The following VPS13D variants were observed in gnomAD, a reference collection of about 807,000 sequenced individuals.
VPS13D encodes the protein intermembrane lipid transfer protein VPS13D.
A neutral mutation model predicts 461.9 loss-of-function variants in VPS13D; 187 were observed. The observed-to-expected ratio is 0.40, with a 90% CI of 0.36 to 0.46. The LOEUF (loss-of-function observed/expected upper bound fraction) is 0.46. Among genes scored for constraint, VPS13D ranks in the 20% least tolerant of loss-of-function variants. VPS13D has a pLI of 0.60. For missense variants in VPS13D, 4,711 were observed against 5,364.9 expected (o/e 0.88, Z 3.81); for synonymous variants, 1,951 against 1,986.3 (o/e 0.98, Z 0.47).
intron 27 of VPS13D, among the ~76,000 whole-genome samples, chr1:12,309,964 A>C (rs544037658): frequency 2.8e-4 from 43 of 152,210 alleles, no homozygotes; most frequent in Middle Eastern, 6.8e-3. Flanking sequence ...CGTGTTATTC[A>C]AGTGCTCCCT....
intron 31 of VPS13D, among the ~76,000 whole-genome samples, chr1:12,318,779 A>G (rs1043235964): frequency 1.8e-4 from 28 of 152,302 alleles, no homozygotes; most frequent in African/African-American, 6.5e-4. Flanking sequence ...CTTTGTATAG[A>G]TGAATTTACT....
intron 36 of VPS13D, among the ~76,000 whole-genome samples, chr1:12,328,117 G>C (rs1415228088): frequency 6.6e-6 from 1 of 152,092 alleles, no homozygotes. Flanking sequence ...AATAATTCCT[G>C]ATCTCTTCAT....
intron 13 of VPS13D, among the ~76,000 whole-genome samples, chr1:12,265,846 T>C (rs914803680): frequency 1.3e-5 from 2 of 152,172 alleles, no homozygotes; most frequent in Non-Finnish European, 2.9e-5. Context: ...CTGGTGAAGA[T>C]ACTATGAACA....
At chr1:12,400,920 C>T (rs2101682036) in intron 61 of VPS13D, among the ~76,000 whole-genome samples, 1 of 151,656 alleles carries the variant, frequency 6.6e-6, no homozygotes, top group South Asian at 2.1e-4. Context: ...CACCACTGCA[C>T]TCCAGCCTGG....
chr1:12,295,173 G>C (rs1000168673), intron 24 of VPS13D, among the ~76,000 whole-genome samples: 6 of 142,774 alleles, frequency 4.2e-5, no homozygotes, highest in Non-Finnish European at 6.0e-5. Flanking sequence ...GCAGTGAGCT[G>C]AGATCATGCC....
intron 67 of VPS13D, among the ~76,000 whole-genome samples, chr1:12,463,203 G>A (rs1645435135): frequency 6.6e-6 from 1 of 152,216 alleles, no homozygotes; most frequent in South Asian, 2.1e-4. Context: ...CCTCAAAGGA[G>A]GGGGATTAGC....
At chr1:12,388,702 G>GTT (rs1644382297) in intron 60 of VPS13D, among the ~76,000 whole-genome samples, 1 of 152,026 alleles carries the variant, frequency 6.6e-6, no homozygotes, top group Non-Finnish European at 1.5e-5. Context: ...AAACCTAATG[G>GTT]TATCAATTAA....
chr1:12,383,208 A>G, intron 58 of VPS13D, 53 bp downstream of exon 58: 1 of 1,517,680 alleles, frequency 6.6e-7, no homozygotes, highest in Non-Finnish European at 8.9e-7. Context: ...CTCCACCCCC[A>G]ATGATTACTC....
intron 67 of VPS13D, among the ~76,000 whole-genome samples, chr1:12,461,336 C>A (rs144979017): frequency 6.6e-6 from 1 of 152,146 alleles, no homozygotes; most frequent in East Asian, 1.9e-4. Context: ...GAAGTGAATC[C>A]ATTTGTCTGT....
rs989928778 is a variant in VPS13D, at chr1:12,505,621, G to A, written c.12795-1232G>A. ...GGACTCCACTTAGAGGGCTCACCTC[G>A]TAGTCAGCAAAGAGACTTATCCAGG... On this transcript the variant is annotated intron_variant, in intron 68 of 69. Transcript: ENST00000620676. This position sits in a 1 kb window ranked among gnomAD's most constrained non-coding sequence, Gnocchi z 4.2. 2.0e-5 allele frequency among the ~76,000 whole-genome samples: 3 copies of A among 152,202 alleles called. No homozygotes were observed. Among genetic ancestry groups the A allele is most frequent in the Admixed American group, 6.5e-5 (1 of 15,278 alleles).
At chr1:12,448,056 C>T (rs1170700536) in intron 65 of VPS13D, among the ~76,000 whole-genome samples, 1 of 151,954 alleles carries the variant, frequency 6.6e-6, no homozygotes, top group African/African-American at 2.4e-5. Context: ...TGTTTTTTTC[C>T]AAGTGCTTTC....
chr1:12,318,849 G>T (rs1642957686), intron 31 of VPS13D, among the ~76,000 whole-genome samples: 1 of 152,152 alleles, frequency 6.6e-6, no homozygotes, highest in Admixed American at 6.5e-5. Context: ...TGTATTTATT[G>T]TTATGTTTCT....
intron 67 of VPS13D, among the ~76,000 whole-genome samples, chr1:12,476,870 C>G (rs1254725185): frequency 1.3e-5 from 2 of 152,306 alleles, no homozygotes; most frequent in East Asian, 3.9e-4. Context: ...GCTCCAAACA[C>G]AGTAGACAAG....
intron 61 of VPS13D, among the ~76,000 whole-genome samples, chr1:12,400,955 C>T (rs1406691851): frequency 4.9e-5 from 4 of 81,416 alleles, no homozygotes; most frequent in Non-Finnish European, 7.4e-5. Context: ...TGTGCACCTG[C>T]GCGCGCGCAC....
chr1:12,419,575 A>G (rs1644836876), intron 65 of VPS13D, among the ~76,000 whole-genome samples: 1 of 152,166 alleles, frequency 6.6e-6, no homozygotes, highest in Admixed American at 6.5e-5. Flanking sequence ...GAGTGGGAGC[A>G]AGGGAAAGAA....
At chr1:12,264,104 A>G (rs1163195849) in intron 13 of VPS13D, among the ~76,000 whole-genome samples, 2 of 151,998 alleles carry the variant, frequency 1.3e-5, no homozygotes, top group Non-Finnish European at 2.9e-5. Context: ...TTATTATTGT[A>G]TTTGTTTTGG....
At position 12,353,995 on chromosome 1, in the gene VPS13D, A is replaced by G. The variant is rs1442846787; in HGVS notation, c.9453A>G (p.Lys3151=). 4 of 1,614,086 alleles carry G rather than the reference A, an allele frequency of 2.5e-6. No individual in the cohort carries two copies. The highest frequency in any genetic ancestry group is 3.4e-6 in the Non-Finnish European group (4 of 1,179,948). The part of the protein sequence containing the change: ...RFFRFCVAIK[K]ENYPDYMPSN... ...ATAGGTTTTGTGTGGCTATAAAGAA[A>G]GAGAATTATCCAGATTATATGCCCT... The change falls in exon 47 of 70, where the codon AAA becomes AAG. Residue 3151 remains lysine, a synonymous_variant. Coordinates refer to ENST00000620676, the MANE Select transcript of VPS13D (RefSeq NM_015378.4).
At chr1:12,492,582 C>T (rs777066181) in intron 67 of VPS13D, among the ~76,000 whole-genome samples, 35 of 152,198 alleles carry the variant, frequency 2.3e-4, no homozygotes, top group Admixed American at 5.9e-4. Context: ...TCAGCCACTT[C>T]GAACGCAGTT....
rs200526345 is a variant in VPS13D at position 12,257,054 on chromosome 1, G to C, written c.908G>C (p.Arg303Pro). 1 of 1,614,150 alleles carries C rather than the reference G, an allele frequency of 6.2e-7. No homozygotes were observed. The highest frequency in any genetic ancestry group is 1.1e-5 in the South Asian group (1 of 91,084). The change falls in exon 9 of 70, where the codon CGA (arginine) becomes CCA (proline). Residue 303 changes from arginine (R) to proline (P), a missense_variant. Physicochemically the swap from Arg to Pro is moderately radical, Grantham distance 103. This residue lies in a region of VPS13D where 4,411 missense variants were observed against 4,937.8 expected (regional missense o/e 0.89). Coordinates refer to ENST00000620676, the MANE Select transcript of VPS13D (RefSeq NM_015378.4). ...CGAAAGGAGAGGCAGGTGAAGTTCCGAAGGTGGAAACCCAAGGTGGCGATA... is the reference window on the plus strand; with the variant it reads ...CGAAAGGAGAGGCAGGTGAAGTTCCCAAGGTGGAAACCCAAGGTGGCGATA... Reference protein sequence around the residue: ...LERKERQVKFRRWKPKVAISK... With the variant: ...LERKERQVKFPRWKPKVAISK...
Sources: gnomAD v4.1 joint callset for allele counts (sites outside exome capture counted in the v4.1 genomes callset) on GRCh38, gnomAD v4.1.1 for gene constraint, gnomAD v4.1.1 regional missense constraint, Gnocchi (gnomAD v3.1) non-coding constraint, MANE v1.5 for transcripts, NCBI Gene and HGNC (gene_info 2026-07-23, HGNC 2026-07-21) for gene names.